BTBD9: variants seen among roughly 807,000 people sequenced by gnomAD.
BTBD9 encodes the protein BTB domain containing 9.
In BTBD9, 49 loss-of-function variants were observed where a neutral mutation model predicts 64.3. The ratio of observed to expected loss-of-function variants is 0.76; its 90% CI spans 0.61 to 0.97. The LOEUF is 0.97. BTBD9 is among the 50% of genes least tolerant of loss of function. The pLI, the probability that BTBD9 is intolerant of heterozygous loss-of-function variation, is 0.00. For synonymous variants in BTBD9, 260 were observed against 274.7 expected, an observed-to-expected ratio of 0.95 and a Z score of 0.53; for missense variants, 598 against 762.1, an observed-to-expected ratio of 0.78 and a Z score of 2.53.
intron 1 of BTBD9, among the ~76,000 whole-genome samples, chr6:38,611,335 T>A (rs1777611355): frequency 6.6e-6 from 1 of 152,190 alleles, no homozygotes; most frequent in African/African-American, 2.4e-5. Flanking sequence ...AGTGTTTCCT[T>A]CTTTTATAAC....
At chr6:38,466,838 G>A (rs1055696819) in intron 6 of BTBD9, among the ~76,000 whole-genome samples, 14 of 152,012 alleles carry the variant, frequency 9.2e-5, no homozygotes, top group African/African-American at 3.1e-4. Flanking sequence ...TCAGCCTCCC[G>A]AAGTGCTGGG....
At chr6:38,424,197 T>C (rs1768038396) in intron 6 of BTBD9, among the ~76,000 whole-genome samples, 1 of 152,048 alleles carries the variant, frequency 6.6e-6, no homozygotes, top group Admixed American at 6.5e-5. Flanking sequence ...TGTAGGCTTT[T>C]ACTTCTCATT....
chr6:38,519,135 T>C (rs1337230794), intron 6 of BTBD9, among the ~76,000 whole-genome samples: 1 of 152,182 alleles, frequency 6.6e-6, no homozygotes, highest in East Asian at 1.9e-4. Flanking sequence ...AGCATCCTCT[T>C]GCATGTGGGA....
chr6:38,406,817 C>T (rs1346351726), intron 6 of BTBD9, among the ~76,000 whole-genome samples: 4 of 152,160 alleles, frequency 2.6e-5, no homozygotes, highest in Non-Finnish European at 2.9e-5. Context: ...AGTGCACTGC[C>T]GCCTCAAACT....
At chr6:38,427,047 C>T (rs774674827) in intron 6 of BTBD9, among the ~76,000 whole-genome samples, 1 of 151,722 alleles carries the variant, frequency 6.6e-6, no homozygotes, top group Non-Finnish European at 1.5e-5. Flanking sequence ...GCCTGTAGGA[C>T]CTCTCTGCCC....
At chr6:38,333,098 A>C (rs1393850609) in intron 7 of BTBD9, among the ~76,000 whole-genome samples, 1 of 152,226 alleles carries the variant, frequency 6.6e-6, no homozygotes, top group Non-Finnish European at 1.5e-5. Flanking sequence ...AGTAGAAAGA[A>C]GGCAAAGGCA....
chr6:38,539,327 C>T (rs1774161680), intron 6 of BTBD9, among the ~76,000 whole-genome samples: 1 of 152,170 alleles, frequency 6.6e-6, no homozygotes. Flanking sequence ...CCCAATAATA[C>T]CAACTTCAGT....
At chr6:38,201,404 T>G (rs1008104120) in intron 9 of BTBD9, among the ~76,000 whole-genome samples, 2 of 152,182 alleles carry the variant, frequency 1.3e-5, no homozygotes, top group African/African-American at 4.8e-5. Context: ...CCCTTCATAA[T>G]AAGAAGTCTC....
At chr6:38,411,695 G>A (rs373672455) in intron 6 of BTBD9, among the ~76,000 whole-genome samples, 5 of 151,986 alleles carry the variant, frequency 3.3e-5, no homozygotes, top group East Asian at 1.9e-4. Context: ...CAGCACTTTC[G>A]GAGGCCAAGG....
chr6:38,350,972 G>C (rs1764480326), intron 6 of BTBD9, among the ~76,000 whole-genome samples: 1 of 152,242 alleles, frequency 6.6e-6, no homozygotes, highest in Non-Finnish European at 1.5e-5. Flanking sequence ...TTTTCTTCTA[G>C]TTCTGTGTAT....
chr6:38,268,116 AAAC>A (rs1296888965), intron 8 of BTBD9, among the ~76,000 whole-genome samples: 1 of 152,172 alleles, frequency 6.6e-6, no homozygotes, highest in African/African-American at 2.4e-5. Context: ...TTCAATGCAA[AAAC>A]AACCTCCCCC....
At chr6:38,385,636 T>C (rs1405830574) in intron 6 of BTBD9, among the ~76,000 whole-genome samples, 1 of 151,970 alleles carries the variant, frequency 6.6e-6, no homozygotes, top group Non-Finnish European at 1.5e-5. Flanking sequence ...AAACCTAGAG[T>C]GCTCAAATAA....
chr6:38,348,784 G>T (rs1028533253), intron 6 of BTBD9, among the ~76,000 whole-genome samples: 1 of 152,140 alleles, frequency 6.6e-6, no homozygotes, highest in Non-Finnish European at 1.5e-5. Flanking sequence ...AACCCTCCAA[G>T]GACAGCACTC....
chr6:38,343,206 C>T (rs1764168932), intron 7 of BTBD9, among the ~76,000 whole-genome samples: 1 of 152,214 alleles, frequency 6.6e-6, no homozygotes, highest in Non-Finnish European at 1.5e-5. Flanking sequence ...ACCAACATAT[C>T]TGAGACTGTT....
intron 1 of BTBD9, among the ~76,000 whole-genome samples, chr6:38,599,527 G>T (rs978644439): frequency 1.3e-5 from 2 of 152,190 alleles, no homozygotes; most frequent in African/African-American, 4.8e-5. Flanking sequence ...AGATGCCCCC[G>T]GTGAAGAGGT....
chr6:38,218,964 C>G (rs907334755), intron 9 of BTBD9, among the ~76,000 whole-genome samples: 1 of 152,064 alleles, frequency 6.6e-6, no homozygotes, highest in Non-Finnish European at 1.5e-5. Context: ...CCCGCCCAGG[C>G]TGTGTACCAG....
chr6:38,179,318 G>A (rs780071970), intron 10 of BTBD9: 3 of 390,312 alleles, frequency 7.7e-6, no homozygotes, highest in South Asian at 5.4e-5. Context: ...CAATAGGCAG[G>A]AGTCATTTTC....
intron 9 of BTBD9, among the ~76,000 whole-genome samples, chr6:38,236,557 T>C (rs1207486103): frequency 6.6e-6 from 1 of 152,186 alleles, no homozygotes; most frequent in Non-Finnish European, 1.5e-5. Context: ...TATCTCCATA[T>C]AAAATTCCTA....
chr6:38,600,101 C>T (rs1467377199), intron 1 of BTBD9, among the ~76,000 whole-genome samples: 1 of 152,186 alleles, frequency 6.6e-6, no homozygotes, highest in East Asian at 1.9e-4. Flanking sequence ...TAATGTGTGA[C>T]ACAGTAGTCT....
Sources: gnomAD v4.1 joint callset for allele counts (sites outside exome capture counted in the v4.1 genomes callset) on GRCh38, gnomAD v4.1.1 for gene constraint, MANE v1.5 for transcripts, NCBI Gene and HGNC (gene_info 2026-07-23, HGNC 2026-07-21) for gene names.